The following CPE variants were observed in gnomAD, a reference collection of about 807,000 sequenced individuals.
CPE encodes the protein carbocypeptidase E.
In CPE, 17 loss-of-function variants were observed where a neutral mutation model predicts 53.5. The ratio of observed to expected loss-of-function variants is 0.32; its 90% CI spans 0.22 to 0.48. CPE has a LOEUF of 0.48. CPE is among the 20% of genes least tolerant of loss of function. CPE has a pLI of 0.99. For missense variants in CPE, 524 were observed against 614.7 expected (o/e 0.85, Z 1.56); for synonymous variants, 226 against 228.8 (o/e 0.99, Z 0.11).
chr4:165,410,241 TAAA>T, intron 1 of CPE, among the ~76,000 whole-genome samples: 1 of 119,680 alleles, frequency 8.4e-6, no homozygotes, highest in Non-Finnish European at 1.8e-5. Flanking sequence ...GGATACTCTG[TAAA>T]AAAAAAAAAA....
At chr4:165,414,655 C>T (rs1731092076) in intron 1 of CPE, among the ~76,000 whole-genome samples, 1 of 151,526 alleles carries the variant, frequency 6.6e-6, no homozygotes, top group South Asian at 2.1e-4. Flanking sequence ...GCCAAAGTAT[C>T]CTGGATAACG....
intron 1 of CPE, among the ~76,000 whole-genome samples, chr4:165,402,476 CTGTTGGGAGG>C (rs1730884211): frequency 6.6e-6 from 1 of 152,146 alleles, no homozygotes; most frequent in South Asian, 2.1e-4. Context: ...GAGACGGAGC[CTGTTGGGAGG>C]TGTTTGGATC....
At chr4:165,443,943 C>A (rs944171296) in intron 1 of CPE, among the ~76,000 whole-genome samples, 2 of 152,146 alleles carry the variant, frequency 1.3e-5, no homozygotes, top group Non-Finnish European at 2.9e-5. Context: ...AGGACACAGC[C>A]AGAAGGTACC....
intron 1 of CPE, among the ~76,000 whole-genome samples, chr4:165,407,377 T>C (rs889485828): frequency 5.9e-5 from 9 of 152,154 alleles, no homozygotes; most frequent in African/African-American, 2.2e-4. Context: ...ATTGACCATA[T>C]GTATATCTTC....
At chr4:165,434,563 A>G (rs1201823658) in intron 1 of CPE, among the ~76,000 whole-genome samples, 1 of 152,144 alleles carries the variant, frequency 6.6e-6, no homozygotes, top group East Asian at 1.9e-4. Context: ...TTCTTTTGGC[A>G]TCTTACTTTC....
intron 1 of CPE, among the ~76,000 whole-genome samples, chr4:165,429,406 T>G (rs1363013790): frequency 6.6e-6 from 1 of 152,236 alleles, no homozygotes; most frequent in Non-Finnish European, 1.5e-5. Flanking sequence ...TTTTTAAACA[T>G]ACTTTAAAAA....
intron 1 of CPE, among the ~76,000 whole-genome samples, chr4:165,395,783 C>A (rs2126658040): frequency 6.6e-6 from 1 of 152,290 alleles, no homozygotes; most frequent in South Asian, 2.1e-4. Context: ...TCACTAGGCA[C>A]ATGCATAACA....
intron 1 of CPE, among the ~76,000 whole-genome samples, chr4:165,394,240 T>C (rs1730729673): frequency 6.6e-6 from 1 of 152,208 alleles, no homozygotes; most frequent in Non-Finnish European, 1.5e-5. Context: ...AGTTAGGGAC[T>C]GGTAAAATCC....
chr4:165,424,747 G>T (rs1157836404), intron 1 of CPE, among the ~76,000 whole-genome samples: 1 of 151,792 alleles, frequency 6.6e-6, no homozygotes, highest in Non-Finnish European at 1.5e-5. Flanking sequence ...TGTTAGCCAG[G>T]ATGGTCTCGA....
chr4:165,454,900 T>A (rs1270785582), intron 1 of CPE, among the ~76,000 whole-genome samples: 2 of 152,238 alleles, frequency 1.3e-5, no homozygotes, highest in Non-Finnish European at 2.9e-5. Flanking sequence ...AATCAGGGGA[T>A]GTTTAAGAGG....
At chr4:165,401,083 C>T (rs1227028027) in intron 1 of CPE, among the ~76,000 whole-genome samples, 1 of 152,030 alleles carries the variant, frequency 6.6e-6, no homozygotes, top group African/African-American at 2.4e-5. Context: ...CTGACTACTC[C>T]CCTTTAGTGT....
Position 165,401,797 on chromosome 4 carries a change from G to T in CPE, c.307+22269G>T, listed in dbSNP as rs150853547. Among the ~76,000 whole-genome samples the T allele has an allele frequency of 3.5e-3, 529 of 152,298 alleles. 6 individuals are homozygous for T. The highest frequency in any genetic ancestry group is 0.012 in the African/African-American group (500 of 41,572). Reference sequence around the variant, plus strand: ...TGGACAGAGGAATTTAGACACAATGGTGGGTTACAGGGGCTTCTGCAGTCT... The same window carrying T: ...TGGACAGAGGAATTTAGACACAATGTTGGGTTACAGGGGCTTCTGCAGTCT... On this transcript the variant is annotated intron_variant, in intron 1 of 8. Transcript: ENST00000402744.
intron 1 of CPE, among the ~76,000 whole-genome samples, chr4:165,444,114 C>T (rs529177293): frequency 1.3e-5 from 2 of 152,248 alleles, no homozygotes; most frequent in Admixed American, 6.5e-5. Context: ...CCAAGCCAGG[C>T]GTCAACATAT....
chr4:165,444,489 A>G (rs1449807536), intron 1 of CPE, among the ~76,000 whole-genome samples: 1 of 147,974 alleles, frequency 6.8e-6, no homozygotes, highest in Admixed American at 6.8e-5. Flanking sequence ...TGATGAAACC[A>G]CATCTCTACT....
chr4:165,497,200 G>T (rs1419058200), intron 8 of CPE, among the ~76,000 whole-genome samples: 1 of 152,180 alleles, frequency 6.6e-6, no homozygotes, highest in Non-Finnish European at 1.5e-5. Context: ...GATTACAGAC[G>T]TGAGCCACCG....
chr4:165,442,708 AC>A (rs1731635247), intron 1 of CPE, among the ~76,000 whole-genome samples: 1 of 152,238 alleles, frequency 6.6e-6, no homozygotes. Context: ...GAAAATTGCC[AC>A]CACTGCAGAA....
chr4:165,424,116 TC>T (rs1255949880), intron 1 of CPE, among the ~76,000 whole-genome samples: 1 of 144,160 alleles, frequency 6.9e-6, no homozygotes, highest in Non-Finnish European at 1.5e-5. Flanking sequence ...ATATATAACT[TC>T]TTGCTGCATT....
chr4:165,418,138 A>G (rs1449419711), intron 1 of CPE: 1 of 152,230 alleles, frequency 6.6e-6, no homozygotes, highest in East Asian at 1.9e-4. Flanking sequence ...TAAAACGCAA[A>G]TATCACCAAC....
At chr4:165,405,252 T>C in intron 1 of CPE, 1 of 874,554 alleles carries the variant, frequency 1.1e-6, no homozygotes. Flanking sequence ...GCTCCCATCA[T>C]CCCTGCACCA....
Sources: allele counts gnomAD v4.1 joint callset (sites outside exome capture counted in the v4.1 genomes callset), GRCh38; gene constraint gnomAD v4.1.1; transcripts MANE v1.5; gene names NCBI Gene and HGNC (gene_info 2026-07-23, HGNC 2026-07-21).